Variants in SUCLG2 observed in about 807,000 individuals in gnomAD.
The protein encoded by SUCLG2 is succinate--CoA ligase [GDP-forming] subunit beta, mitochondrial.
In SUCLG2, 42 loss-of-function variants were observed where a neutral mutation model predicts 47.9. The observed-to-expected ratio is 0.88, with a 90% CI of 0.69 to 1.14. The LOEUF is 1.14. Among genes scored for constraint, SUCLG2 ranks in the 50% most tolerant of loss-of-function variants. SUCLG2 has a pLI of 0.00. For synonymous variants in SUCLG2, 195 were observed against 197.3 expected (o/e 0.99, Z 0.10); for missense variants, 571 against 525.9 (o/e 1.09, Z -0.84).
At chr3:67,492,537 T>A (rs899151683) in intron 9 of SUCLG2, among the ~76,000 whole-genome samples, 4 of 152,228 alleles carry the variant, frequency 2.6e-5, no homozygotes, top group Admixed American at 2.0e-4. Flanking sequence ...TTGCTCTTTA[T>A]GATTTAAAGA....
intron 1 of SUCLG2, among the ~76,000 whole-genome samples, chr3:67,652,063 A>C (rs1234581993): frequency 6.6e-6 from 1 of 152,194 alleles, no homozygotes; most frequent in Non-Finnish European, 1.5e-5. Flanking sequence ...GTATGGGCTG[A>C]ATAAAAACTA....
chr3:67,594,075 G>A (rs1407070116), intron 2 of SUCLG2, among the ~76,000 whole-genome samples: 4 of 152,178 alleles, frequency 2.6e-5, no homozygotes, highest in African/African-American at 9.7e-5. Context: ...TGAGAGGCAC[G>A]TGGTACAGGC....
intron 9 of SUCLG2, among the ~76,000 whole-genome samples, chr3:67,488,506 A>C (rs1025040086): frequency 7.9e-5 from 12 of 152,204 alleles, no homozygotes; most frequent in African/African-American, 2.9e-4. Context: ...GTTCTTCTGA[A>C]TGATTTTCCT....
chr3:67,497,694 T>G (rs1244908980), intron 8 of SUCLG2, among the ~76,000 whole-genome samples: 1 of 145,760 alleles, frequency 6.9e-6, no homozygotes, highest in Non-Finnish European at 1.5e-5. Context: ...GGTTCTAATT[T>G]TTTACTAAGC....
intron 2 of SUCLG2, among the ~76,000 whole-genome samples, chr3:67,596,858 GT>G (rs1708305736): frequency 6.6e-6 from 1 of 152,188 alleles, no homozygotes; most frequent in East Asian, 1.9e-4. Flanking sequence ...CAATACTGAT[GT>G]TTTTTCCAGA....
intron 9 of SUCLG2, among the ~76,000 whole-genome samples, chr3:67,415,483 T>A (rs1703020029): frequency 6.6e-6 from 1 of 152,206 alleles, no homozygotes; most frequent in African/African-American, 2.4e-5. Flanking sequence ...GCTTTCCATA[T>A]TTTACAGATG....
intron 2 of SUCLG2, among the ~76,000 whole-genome samples, chr3:67,579,742 C>G (rs1395289345): frequency 2.0e-5 from 3 of 152,076 alleles, no homozygotes; most frequent in Non-Finnish European, 4.4e-5. Context: ...TAAACTTGAA[C>G]AGGGTAATGG....
At chr3:67,441,849 A>G (rs901037135) in intron 9 of SUCLG2, among the ~76,000 whole-genome samples, 2 of 152,202 alleles carry the variant, frequency 1.3e-5, no homozygotes, top group African/African-American at 4.8e-5. Flanking sequence ...TAAAAGGGCA[A>G]ACATACTGGC....
intron 7 of SUCLG2, among the ~76,000 whole-genome samples, chr3:67,503,662 G>C (rs893699953): frequency 6.6e-6 from 1 of 152,128 alleles, no homozygotes; most frequent in Non-Finnish European, 1.5e-5. Flanking sequence ...TTGAACAAAG[G>C]CCATTTTTTA....
chr3:67,499,147 T>C (rs1170069466), intron 7 of SUCLG2, among the ~76,000 whole-genome samples: 2 of 151,984 alleles, frequency 1.3e-5, no homozygotes, highest in Non-Finnish European at 2.9e-5. Flanking sequence ...TTAAACACAG[T>C]GAAATGATTA....
intron 2 of SUCLG2, among the ~76,000 whole-genome samples, chr3:67,540,812 G>A (rs538185430): frequency 6.6e-5 from 10 of 152,156 alleles, no homozygotes; most frequent in Admixed American, 1.3e-4. Context: ...GCTGGCATCT[G>A]GGGGGTGCCC....
At chr3:67,625,638 T>C (rs1700812795) in intron 1 of SUCLG2, among the ~76,000 whole-genome samples, 1 of 152,116 alleles carries the variant, frequency 6.6e-6, no homozygotes, top group Non-Finnish European at 1.5e-5. Context: ...CTGAAAACAC[T>C]AGACATGAAA....
chr3:67,415,480 A>T (rs1442350710), intron 9 of SUCLG2, among the ~76,000 whole-genome samples: 4 of 152,352 alleles, frequency 2.6e-5, no homozygotes, highest in South Asian at 4.1e-4. Context: ...ACTGCTTTCC[A>T]TATTTTACAG....
intron 4 of SUCLG2, among the ~76,000 whole-genome samples, chr3:67,521,854 A>G (rs1440260117): frequency 6.6e-6 from 1 of 151,878 alleles, no homozygotes; most frequent in African/African-American, 2.4e-5. Context: ...TGCTGACTTC[A>G]AGTATCTACC....
chr3:67,509,743 A>G (rs994191141), intron 6 of SUCLG2, among the ~76,000 whole-genome samples: 1 of 152,174 alleles, frequency 6.6e-6, no homozygotes, highest in African/African-American at 2.4e-5. Flanking sequence ...ATTAGGTATC[A>G]GTCTCATTCC....
intron 10 of SUCLG2, among the ~76,000 whole-genome samples, chr3:67,383,585 C>G (rs191166811): frequency 6.6e-6 from 1 of 152,156 alleles, no homozygotes; most frequent in South Asian, 2.1e-4. Flanking sequence ...ACCATCACAG[C>G]AGGAGCCCCC....
intron 2 of SUCLG2, among the ~76,000 whole-genome samples, chr3:67,576,938 A>G (rs950535402): frequency 6.6e-6 from 1 of 152,170 alleles, no homozygotes; most frequent in Non-Finnish European, 1.5e-5. Context: ...TTTTTTACAA[A>G]AAGCCCAAAA....
At chr3:67,630,104 G>A (rs1056687480) in intron 1 of SUCLG2, among the ~76,000 whole-genome samples, 3 of 151,818 alleles carry the variant, frequency 2.0e-5, no homozygotes, top group Non-Finnish European at 4.4e-5. Context: ...GTATTATGAG[G>A]ATACAAGGTA....
intron 10 of SUCLG2, among the ~76,000 whole-genome samples, chr3:67,365,476 A>G (rs941962515): frequency 1.3e-5 from 2 of 152,226 alleles, no homozygotes; most frequent in African/African-American, 2.4e-5. Flanking sequence ...AGCCAGAGTG[A>G]CTAGTTATGA....
Sources: allele counts gnomAD v4.1 joint callset (sites outside exome capture counted in the v4.1 genomes callset), GRCh38; gene constraint gnomAD v4.1.1; transcripts MANE v1.5; gene names NCBI Gene and HGNC (gene_info 2026-07-23, HGNC 2026-07-21).